Variants in VAC14 observed in about 807,000 individuals in gnomAD.
VAC14 encodes protein VAC14 homolog.
In VAC14, 47 loss-of-function variants were observed where a neutral mutation model predicts 85.3. The ratio of observed to expected loss-of-function variants is 0.55; its 90% confidence interval spans 0.44 to 0.70. The LOEUF is 0.70. Ranked by LOEUF, VAC14 falls within the 30% of genes least tolerant of loss-of-function variation. The probability of loss-of-function intolerance (pLI) is 0.00; values close to 1 mark genes in which losing one functional copy is unlikely to be tolerated. For missense variants in VAC14, 861 were observed against 1,004.3 expected (o/e 0.86, Z 1.93); for synonymous variants, 447 against 430.5 (o/e 1.04, Z -0.47).
chr16:70,752,272 C>A (rs1381627232), intron 12 of VAC14, among the ~76,000 whole-genome samples: 2 of 152,202 alleles, frequency 1.3e-5, no homozygotes, highest in Non-Finnish European at 2.9e-5. Context: ...ACCATTAGTG[C>A]CAGCACTGGG....
chr16:70,693,227 C>G (rs2053634989), intron 17 of VAC14, among the ~76,000 whole-genome samples: 1 of 152,206 alleles, frequency 6.6e-6, no homozygotes, highest in South Asian at 2.1e-4. Context: ...TCTTCCTTTC[C>G]ACCTGCCCAC....
At chr16:70,732,208 C>T (rs141525631) in intron 13 of VAC14, among the ~76,000 whole-genome samples, 65 of 152,300 alleles carry the variant, frequency 4.3e-4, no homozygotes, top group African/African-American at 1.4e-3. Context: ...CACTCGATTA[C>T]GGACAGCAGA....
chr16:70,699,657 G>A (rs1162984674), intron 14 of VAC14: 1 of 152,272 alleles, frequency 6.6e-6, no homozygotes, highest in East Asian at 1.9e-4. Context: ...AGTGGGTGGT[G>A]AGGACAGGCT....
intron 17 of VAC14, 125 bp from the exon 18 acceptor site, chr16:70,693,096 G>C: frequency 7.6e-7 from 1 of 1,322,056 alleles, no homozygotes; most frequent in Non-Finnish European, 1.0e-6. Context: ...CACAGCCCAA[G>C]GACCCAGCTG....
At chr16:70,710,488 C>T (rs1209816214) in intron 14 of VAC14, among the ~76,000 whole-genome samples, 2 of 152,218 alleles carry the variant, frequency 1.3e-5, no homozygotes, top group Admixed American at 6.5e-5. Context: ...TGCTGGGACC[C>T]GAGTAAGGTG....
intron 6 of VAC14, 83 bp from the exon 7 acceptor site, chr16:70,783,222 G>T: frequency 6.9e-7 from 1 of 1,447,458 alleles, no homozygotes; most frequent in Non-Finnish European, 9.5e-7. Context: ...TTCCGTGCTG[G>T]GTCAGCCACC....
chr16:70,752,262 A>G (rs2031447015), intron 12 of VAC14, among the ~76,000 whole-genome samples: 1 of 152,210 alleles, frequency 6.6e-6, no homozygotes, highest in Admixed American at 6.5e-5. Flanking sequence ...CAGTGACAGC[A>G]CCATTAGTGC....
At chr16:70,713,163 T>C (rs142032185) in intron 14 of VAC14, among the ~76,000 whole-genome samples, 2 of 152,286 alleles carry the variant, frequency 1.3e-5, no homozygotes, top group African/African-American at 4.8e-5. Flanking sequence ...AAAAAAGGCC[T>C]GGCTCCACTT....
At chr16:70,735,672 C>T (rs1270538490) in intron 13 of VAC14, among the ~76,000 whole-genome samples, 8 of 152,270 alleles carry the variant, frequency 5.3e-5, no homozygotes, top group Non-Finnish European at 1.2e-4. Context: ...ACTGTAGCAT[C>T]CTCAATCCCA....
intron 1 of VAC14, among the ~76,000 whole-genome samples, chr16:70,790,923 T>G (rs989365499): frequency 6.6e-6 from 1 of 152,204 alleles, no homozygotes; most frequent in Non-Finnish European, 1.5e-5. Context: ...GGGAAAACCA[T>G]GGAACACGTC....
chr16:70,733,800 T>C (rs1338697947), intron 13 of VAC14, among the ~76,000 whole-genome samples: 1 of 152,130 alleles, frequency 6.6e-6, no homozygotes, highest in Admixed American at 6.5e-5. Context: ...TCTTTATAAA[T>C]TACCTACTCT....
chr16:70,687,880 T>TA lies in VAC14; in HGVS notation c.*47dup, dbSNP rs770023464. On this transcript the variant is annotated 3_prime_UTR_variant, in exon 19 of 19. Coordinates refer to ENST00000261776, the MANE Select transcript of VAC14 (RefSeq NM_018052.5). ...CTCCTCGGGAGGGCGTGACGACCCTTAGTGTTTCATGGGACCACTCGGTGG... is the reference window on the plus strand; with the variant it reads ...CTCCTCGGGAGGGCGTGACGACCCTTAAGTGTTTCATGGGACCACTCGGTGG... 113 of 1,435,966 alleles carry TA rather than the reference T, an allele frequency of 7.9e-5. No individual in the cohort carries two copies. The highest frequency in any genetic ancestry group is 2.6e-4 in the Middle Eastern group (1 of 3,808). 89.0% of individuals were successfully genotyped at this position (1,435,966 alleles called of 1,614,324 possible).
At chr16:70,733,380 C>T (rs746824660) in intron 13 of VAC14, among the ~76,000 whole-genome samples, 11 of 151,758 alleles carry the variant, frequency 7.2e-5, no homozygotes, top group South Asian at 2.1e-4. Flanking sequence ...TTTGTTTGTC[C>T]ATTCATCAGC....
intron 14 of VAC14, among the ~76,000 whole-genome samples, chr16:70,711,934 C>T (rs2054043402): frequency 6.6e-6 from 1 of 152,040 alleles, no homozygotes; most frequent in Non-Finnish European, 1.5e-5. Flanking sequence ...TCTGAGAGGC[C>T]GGTAAAAAGA....
intron 8 of VAC14, among the ~76,000 whole-genome samples, chr16:70,781,321 CTCTTT>C (rs2033799558): frequency 6.6e-6 from 1 of 152,196 alleles, no homozygotes; most frequent in South Asian, 2.1e-4. Flanking sequence ...CTGAAGCAAC[CTCTTT>C]TCTTTATAAA....
At chr16:70,713,150 G>GA (rs36007741) in intron 14 of VAC14, among the ~76,000 whole-genome samples, 8 of 152,004 alleles carry the variant, frequency 5.3e-5, no homozygotes, top group Non-Finnish European at 1.0e-4. Context: ...ATACAAGCAC[G>GA]AAAAAAAAGG....
At position 70,783,573 on chromosome 16, in the gene VAC14, C is replaced by T; in HGVS notation, c.595-19G>A. ...CCAGGATCTGACCAGGGGAAGGGAA[C>T]AGGAGGGGAAGTCAGCTCCAGAACC... On this transcript the variant is annotated intron_variant, in intron 5 of 18. Transcript: ENST00000261776. The T allele has an allele frequency of 3.7e-6, 6 of 1,611,578 alleles. No homozygotes were observed. The highest frequency in any genetic ancestry group is 4.2e-6 in the Non-Finnish European group (5 of 1,179,180).
intron 1 of VAC14, among the ~76,000 whole-genome samples, chr16:70,793,287 T>C (rs1026738380): frequency 6.6e-6 from 1 of 152,218 alleles, no homozygotes. Flanking sequence ...AACCATCAGC[T>C]GAGTACTTAC....
intron 14 of VAC14, 64 bp downstream of exon 14, chr16:70,731,431 T>A (rs1254428005): frequency 3.2e-6 from 5 of 1,572,912 alleles, no homozygotes; most frequent in African/African-American, 1.4e-5. Context: ...GACACTTGAA[T>A]GGCGTGAAAG....
Sources: allele counts gnomAD v4.1 joint callset (sites outside exome capture counted in the v4.1 genomes callset), GRCh38; gene constraint gnomAD v4.1.1; transcripts MANE v1.5; gene names NCBI Gene and HGNC (gene_info 2026-07-23, HGNC 2026-07-21).